Variants in CNTNAP2 observed in about 807,000 individuals in gnomAD.
The protein encoded by CNTNAP2 is contactin-associated protein-like 2.
A neutral mutation model predicts 155.2 loss-of-function variants in CNTNAP2; 98 were observed. That is an observed-to-expected ratio of 0.63 (90% CI 0.54 to 0.75). CNTNAP2 has a LOEUF of 0.75. Ranked by LOEUF, CNTNAP2 falls within the 30% of genes least tolerant of loss-of-function variation. The pLI, the probability that CNTNAP2 is intolerant of heterozygous loss-of-function variation, is 0.00. For synonymous variants in CNTNAP2, 651 were observed against 631.2 expected, an observed-to-expected ratio of 1.03 and a Z score of -0.47; for missense variants, 1,727 against 1,688.1, an observed-to-expected ratio of 1.02 and a Z score of -0.40.
chr7:148,034,343 C>A (rs560841700), intron 15 of CNTNAP2, among the ~76,000 whole-genome samples: 2 of 152,218 alleles, frequency 1.3e-5, no homozygotes, highest in Admixed American at 1.3e-4. Flanking sequence ...AGGTTGACCC[C>A]CAATGCAGGG....
chr7:146,662,990 A>G (rs1380654847), intron 1 of CNTNAP2, among the ~76,000 whole-genome samples: 1 of 152,146 alleles, frequency 6.6e-6, no homozygotes, highest in African/African-American at 2.4e-5. Flanking sequence ...TAACTACAGA[A>G]ATCAGAGCCG....
chr7:147,171,055 A>G (rs1470461124), intron 8 of CNTNAP2, among the ~76,000 whole-genome samples: 1 of 152,048 alleles, frequency 6.6e-6, no homozygotes, highest in Non-Finnish European at 1.5e-5. Context: ...CCCCGCCTCT[A>G]TCAAATCTCC....
chr7:146,428,843 G>A (rs1188736567), intron 1 of CNTNAP2, among the ~76,000 whole-genome samples: 3 of 151,862 alleles, frequency 2.0e-5, no homozygotes, highest in African/African-American at 7.3e-5. Context: ...TGTCCTGAAT[G>A]GTATTGCCTA....
At chr7:148,314,034 G>A (rs369675640) in intron 21 of CNTNAP2, among the ~76,000 whole-genome samples, 3 of 152,060 alleles carry the variant, frequency 2.0e-5, no homozygotes, top group South Asian at 2.1e-4. Flanking sequence ...ACTGTAAGCC[G>A]GACTGGGTGT....
chr7:148,382,162 C>T (rs1799076963), intron 21 of CNTNAP2, among the ~76,000 whole-genome samples: 1 of 152,248 alleles, frequency 6.6e-6, no homozygotes, highest in African/African-American at 2.4e-5. Flanking sequence ...TTCCTGCCAT[C>T]CAGCCCCAGC....
At chr7:147,323,912 G>A (rs1303519643) in intron 9 of CNTNAP2, among the ~76,000 whole-genome samples, 2 of 151,924 alleles carry the variant, frequency 1.3e-5, no homozygotes, top group African/African-American at 4.8e-5. Context: ...AGAGAAAAAT[G>A]GACCATTTCC....
intron 15 of CNTNAP2, among the ~76,000 whole-genome samples, chr7:148,107,203 A>G (rs2116591070): frequency 1.3e-5 from 2 of 152,322 alleles, no homozygotes; most frequent in East Asian, 3.9e-4. Context: ...AAGAATTTCC[A>G]TGACTAGGAA....
chr7:147,419,917 C>G (rs916279334), intron 10 of CNTNAP2, among the ~76,000 whole-genome samples: 8 of 152,136 alleles, frequency 5.3e-5, no homozygotes, highest in Non-Finnish European at 1.2e-4. Flanking sequence ...CTTTGCTATG[C>G]CACTTGCTGT....
At chr7:147,738,119 A>G (rs985923838) in intron 13 of CNTNAP2, among the ~76,000 whole-genome samples, 1 of 152,136 alleles carries the variant, frequency 6.6e-6, no homozygotes, top group African/African-American at 2.4e-5. Flanking sequence ...TTACGCTGGG[A>G]GCTGTAGACT....
At chr7:147,998,065 C>T (rs1301085937) in intron 15 of CNTNAP2, among the ~76,000 whole-genome samples, 16 of 149,124 alleles carry the variant, frequency 1.1e-4, no homozygotes, top group Admixed American at 9.4e-4. Context: ...GTGGTCACCA[C>T]GGTTGCTGCG....
intron 10 of CNTNAP2, among the ~76,000 whole-genome samples, chr7:147,398,222 C>A (rs928708226): frequency 6.6e-6 from 1 of 151,988 alleles, no homozygotes; most frequent in African/African-American, 2.4e-5. Flanking sequence ...TCCAGATAAT[C>A]CTTTAATGAT....
chr7:146,204,596 T>C (rs1798918037), intron 1 of CNTNAP2, among the ~76,000 whole-genome samples: 1 of 152,104 alleles, frequency 6.6e-6, no homozygotes, highest in African/African-American at 2.4e-5. Context: ...GGAGTCTCTC[T>C]CATGCCAGTC....
intron 12 of CNTNAP2, among the ~76,000 whole-genome samples, chr7:147,568,986 A>G (rs1012286804): frequency 6.6e-6 from 1 of 152,150 alleles, no homozygotes; most frequent in African/African-American, 2.4e-5. Flanking sequence ...TTAAGCAAGC[A>G]TCTGTGCTCT....
chr7:147,604,420 C>T (rs1801022624), intron 12 of CNTNAP2, among the ~76,000 whole-genome samples: 1 of 152,206 alleles, frequency 6.6e-6, no homozygotes, highest in South Asian at 2.1e-4. Context: ...TTCATGATCA[C>T]ATTGTCCCAT....
At position 146,354,707 on chromosome 7, in the gene CNTNAP2, G is replaced by C. The variant is rs547526667; in HGVS notation, c.97+237734G>C. The stretch of plus-strand genomic sequence containing the variant: ...TAGGATTACGGAAGTGAGCCACTGT[G>C]CCCGGCCCCTATTTTGTTAGTCCTT... On this transcript the variant is annotated intron_variant, in intron 1 of 23. Transcript: ENST00000361727. Among the ~76,000 whole-genome samples, 155 of 151,732 alleles carry C rather than the reference G, an allele frequency of 1.0e-3. 1 individual carries two copies. The highest frequency in any genetic ancestry group is 3.6e-3 in the African/African-American group (148 of 41,116).
At chr7:146,884,217 T>A (rs544650933) in intron 3 of CNTNAP2, among the ~76,000 whole-genome samples, 1 of 152,262 alleles carries the variant, frequency 6.6e-6, no homozygotes, top group South Asian at 2.1e-4. Flanking sequence ...GGGTTTTGGA[T>A]CCAGAAAATA....
chr7:148,174,749 A>G (rs544427940), intron 18 of CNTNAP2, among the ~76,000 whole-genome samples: 4 of 152,178 alleles, frequency 2.6e-5, no homozygotes, highest in Non-Finnish European at 5.9e-5. Flanking sequence ...ATTTTTTCTT[A>G]TTTTATTTTG....
intron 3 of CNTNAP2, among the ~76,000 whole-genome samples, chr7:146,974,954 A>C (rs1220829448): frequency 6.6e-6 from 1 of 152,168 alleles, no homozygotes; most frequent in East Asian, 1.9e-4. Context: ...TCTGGGTGAC[A>C]GAGAGAGACT....
intron 18 of CNTNAP2, among the ~76,000 whole-genome samples, chr7:148,181,584 G>C (rs1418763823): frequency 2.0e-5 from 3 of 152,030 alleles, no homozygotes; most frequent in Non-Finnish European, 4.4e-5. Context: ...AGATATTTGA[G>C]AAAACCTGGC....
Sources: allele counts gnomAD v4.1 joint callset (sites outside exome capture counted in the v4.1 genomes callset), GRCh38; gene constraint gnomAD v4.1.1; transcripts MANE v1.5; gene names NCBI Gene and HGNC (gene_info 2026-07-23, HGNC 2026-07-21).